Variants in ZNF585B observed in about 807,000 individuals in gnomAD.
ZNF585B encodes zinc finger protein 41-like protein.
ZNF585B carries 7 observed loss-of-function variants against 14.0 expected under a neutral mutation model. The ratio of observed to expected loss-of-function variants is 0.50; its 90% CI spans 0.28 to 0.94. The LOEUF (loss-of-function observed/expected upper bound fraction) is 0.94, where lower values mean the gene tolerates loss of function less well. Ranked by LOEUF, ZNF585B falls within the 40% of genes least tolerant of loss-of-function variation. The pLI, the probability that ZNF585B is intolerant of heterozygous loss-of-function variation, is 0.09. For missense variants in ZNF585B, 750 were observed against 924.4 expected (o/e 0.81, Z 2.45); for synonymous variants, 290 against 317.3 (o/e 0.91, Z 0.91).
At chr19:37,199,072 GT>G (rs1257854272) in intron 2 of ZNF585B, 5 of 1,387,970 alleles carry the variant, frequency 3.6e-6, no homozygotes, top group South Asian at 2.6e-5. Flanking sequence ...GAATATACAT[GT>G]TCTAATTTTT....
chr19:37,209,944 T>C (rs1233853880), intron 1 of ZNF585B, among the ~76,000 whole-genome samples: 1 of 151,882 alleles, frequency 6.6e-6, no homozygotes, highest in Admixed American at 6.6e-5. Context: ...CTCGATCTCC[T>C]GACCTCATGA....
At chr19:37,203,677 A>T (rs920887984) in intron 2 of ZNF585B, among the ~76,000 whole-genome samples, 1 of 152,178 alleles carries the variant, frequency 6.6e-6, no homozygotes, top group African/African-American at 2.4e-5. Flanking sequence ...TGTCCAGGCT[A>T]GAACGCAATG....
At chr19:37,188,158 C>A (rs1972359522) in intron 4 of ZNF585B, among the ~76,000 whole-genome samples, 1 of 152,156 alleles carries the variant, frequency 6.6e-6, no homozygotes, top group Non-Finnish European at 1.5e-5. Flanking sequence ...TAAACTCAAA[C>A]CTCATCAGGT....
chr19:37,196,259 C>T (rs903748929), intron 2 of ZNF585B, among the ~76,000 whole-genome samples: 1 of 152,092 alleles, frequency 6.6e-6, no homozygotes, highest in Non-Finnish European at 1.5e-5. Context: ...TAAAAAGAAT[C>T]GTGTACTACA....
Position 37,186,123 on chromosome 19 carries a change from C to T in ZNF585B, c.1414G>A (p.Gly472Arg). Reference protein sequence around the residue: ...GEKPYVCNKCGKAFTNRSNLI... With the variant: ...GEKPYVCNKCRKAFTNRSNLI... ...TTTGACCGGTTGGTGAATGCCTTCC[C>T]ACATTTATTGCATACATAGGGCTTT... Residue 472 changes from glycine (G) to arginine (R), a missense_variant, in exon 5 of 5, where the codon GGG (glycine) becomes AGG (arginine). Gly to Arg is a moderately radical substitution (Grantham distance 125). Around this residue, in one of 2 missense-constraint regions of ZNF585B, gnomAD observed 517 missense variants for 570.3 expected, o/e 0.91. Transcript: ENST00000532828. 1 of 1,614,096 alleles carries T rather than the reference C, an allele frequency of 6.2e-7. No homozygotes were observed.
rs934042068 is a variant in ZNF585B, at chr19:37,183,666, T to C, written c.*1561A>G. On this transcript the variant is annotated 3_prime_UTR_variant, in exon 5 of 5. Coordinates refer to ENST00000532828, the MANE Select transcript of ZNF585B (RefSeq NM_152279.4). ...GAATTGTGCTCTTTGCAACGGGCAC[T>C]GCAAATACAAAGGCCCTGAGTCAGG... The C allele has an allele frequency of 5.3e-5, 8 of 152,184 alleles. No individual in the cohort carries two copies. The highest frequency in any genetic ancestry group is 8.8e-5 in the Non-Finnish European group (6 of 68,032). 9.4% of individuals were successfully genotyped at this position (152,184 alleles called of 1,614,324 possible).
chr19:37,209,661 A>G (rs1972624962), intron 1 of ZNF585B, among the ~76,000 whole-genome samples: 1 of 152,068 alleles, frequency 6.6e-6, no homozygotes, highest in Non-Finnish European at 1.5e-5. Context: ...GAACTAGGCC[A>G]TAAAGCAATT....
chr19:37,184,758 A>G lies in ZNF585B; in HGVS notation c.*469T>C. 1 of 379,252 alleles carries G rather than the reference A, an allele frequency of 2.6e-6. No individual in the cohort carries two copies. Among genetic ancestry groups the G allele is most frequent in the Non-Finnish European group, 4.7e-6 (1 of 213,314 alleles). 23.5% of individuals were successfully genotyped at this position (379,252 alleles called of 1,614,324 possible). On this transcript the variant is annotated 3_prime_UTR_variant, in exon 5 of 5. Transcript: ENST00000532828. ...TATGCACAACTGTGTTCGATTCAAA[A>G]GAAGAAAATACCCACAATTCTACTA...
chr19:37,202,956 T>C (rs1393073585), intron 2 of ZNF585B, among the ~76,000 whole-genome samples: 1 of 152,208 alleles, frequency 6.6e-6, no homozygotes, highest in African/African-American at 2.4e-5. Context: ...TTTGCATGAT[T>C]TTACATAATA....
chr19:37,203,080 G>A (rs1265770782), intron 2 of ZNF585B, among the ~76,000 whole-genome samples: 1 of 152,102 alleles, frequency 6.6e-6, no homozygotes, highest in African/African-American at 2.4e-5. Context: ...ATATGGAGAA[G>A]CAACTTGTGT....
intron 1 of ZNF585B, among the ~76,000 whole-genome samples, chr19:37,209,610 C>T (rs181154686): frequency 1.3e-5 from 2 of 152,006 alleles, no homozygotes; most frequent in East Asian, 1.9e-4. Flanking sequence ...ATATTACACT[C>T]TTTTCATGTA....
At chr19:37,198,508 C>A (rs371863967) in intron 2 of ZNF585B, among the ~76,000 whole-genome samples, 5 of 152,034 alleles carry the variant, frequency 3.3e-5, no homozygotes, top group Non-Finnish European at 5.9e-5. Context: ...GAGGCCAAGG[C>A]GCAGATCACC....
intron 2 of ZNF585B, among the ~76,000 whole-genome samples, chr19:37,201,809 AT>A (rs1972533258): frequency 6.6e-6 from 1 of 152,188 alleles, no homozygotes; most frequent in Non-Finnish European, 1.5e-5. Context: ...TTTAAATGTA[AT>A]TGCATAAGGT....
At chr19:37,195,547 G>C (rs1009267301) in intron 2 of ZNF585B, among the ~76,000 whole-genome samples, 1 of 151,818 alleles carries the variant, frequency 6.6e-6, no homozygotes, top group African/African-American at 2.4e-5. Flanking sequence ...TATCATGACA[G>C]ATTCAGGAAC....
chr19:37,186,685 T>A lies in ZNF585B; in HGVS notation c.852A>T (p.Gln284His), dbSNP rs1293505932. The A allele has an allele frequency of 5.6e-6, 9 of 1,613,752 alleles. No homozygotes were observed. Among genetic ancestry groups the A allele is most frequent in the East Asian group, 2.2e-5 (1 of 44,884 alleles). The change falls in exon 5 of 5, where the codon CAA becomes CAT. Residue 284 changes from glutamine (Q) to histidine (H), a missense_variant. Physicochemically the swap from Gln to His is conservative, Grantham distance 24. Coordinates refer to ENST00000532828, the MANE Select transcript of ZNF585B (RefSeq NM_152279.4). ...ECGQAFIQKT[Q>H]LIAHRRIHSG... The stretch of plus-strand genomic sequence containing the variant: ...TATGAATTCTTCGGTGTGCAATCAA[T>A]TGTGTTTTCTGGATGAAGGCCTGCC...
chr19:37,207,604 C>T (rs1431156671), intron 1 of ZNF585B, among the ~76,000 whole-genome samples: 1 of 152,082 alleles, frequency 6.6e-6, no homozygotes, highest in African/African-American at 2.4e-5. Context: ...TGCAGCTGTA[C>T]CACTTTTCAA....
At position 37,198,922 on chromosome 19, in the gene ZNF585B, T is replaced by C. The variant is rs1268369517; in HGVS notation, c.72+8118A>G. The stretch of plus-strand genomic sequence containing the variant: ...TTATAATTTTTAATATGTAAAATTA[T>C]GATTTTTGAAAGCTACCTTGTTGAT... On this transcript the variant is annotated intron_variant, in intron 2 of 4. Transcript: ENST00000532828. 2.9e-6 allele frequency: 4 copies of C among 1,376,792 alleles called. No individual in the cohort carries two copies. The South Asian group carries it at 4.2e-5, about 14-fold the overall frequency. 85.3% of individuals were successfully genotyped at this position (1,376,792 alleles called of 1,614,324 possible).
chr19:37,186,686 T>G lies in ZNF585B; in HGVS notation c.851A>C (p.Gln284Pro), dbSNP rs200391340. ...ECGQAFIQKT[Q>P]LIAHRRIHSG... ...ATGAATTCTTCGGTGTGCAATCAAT[T>G]GTGTTTTCTGGATGAAGGCCTGCCC... Residue 284 changes from glutamine (Q) to proline (P), a missense_variant, in exon 5 of 5, where the codon CAA becomes CCA. Gln to Pro is a moderately conservative substitution (Grantham distance 76). Around this residue, in one of 2 missense-constraint regions of ZNF585B, gnomAD observed 517 missense variants for 570.3 expected, o/e 0.91. Transcript: ENST00000532828. 6.2e-7 allele frequency: 1 copy of G among 1,613,670 alleles called. No homozygotes were observed. Among genetic ancestry groups the G allele is most frequent in the African/African-American group, 1.3e-5 (1 of 74,930 alleles).
In ZNF585B at chr19:37,189,652, T is replaced by G; in HGVS notation, c.292+9A>C. 6.2e-7 allele frequency: 1 copy of G among 1,612,586 alleles called. No individual in the cohort carries two copies. The highest frequency in any genetic ancestry group is 8.5e-7 in the Non-Finnish European group (1 of 1,179,980). On this transcript the variant is annotated intron_variant, in intron 4 of 4. Transcript: ENST00000532828. The stretch of plus-strand genomic sequence containing the variant: ...CTAACCTGAGTCACATTCACCTCAC[T>G]TCACTCACCTGGGCAGCTGTGACGT...
Sources: gnomAD v4.1 joint callset for allele counts (sites outside exome capture counted in the v4.1 genomes callset) on GRCh38, gnomAD v4.1.1 for gene constraint, gnomAD v4.1.1 regional missense constraint, MANE v1.5 for transcripts, NCBI Gene and HGNC (gene_info 2026-07-23, HGNC 2026-07-21) for gene names.